Variants in USP47 observed in about 807,000 individuals in gnomAD.
The protein encoded by USP47 is ubiquitin specific peptidase 47.
A neutral mutation model predicts 165.1 loss-of-function variants in USP47; 35 were observed. That is an observed-to-expected ratio of 0.21 (90% CI 0.16 to 0.28). The LOEUF is 0.28. Ranked by LOEUF, USP47 falls within the 10% of genes least tolerant of loss-of-function variation. USP47 has a pLI of 1.00. For missense variants in USP47, 1,277 were observed against 1,607.4 expected (o/e 0.79, Z 3.52); for synonymous variants, 531 against 544.5 (o/e 0.98, Z 0.35).
intron 1 of USP47, among the ~76,000 whole-genome samples, chr11:11,858,200 ATTC>A (rs1459254081): frequency 1.3e-5 from 2 of 151,772 alleles, no homozygotes; most frequent in East Asian, 1.9e-4. Context: ...ATTTTGTCCA[ATTC>A]TTTGTTCAAA....
At chr11:11,893,369 TATTAC>T (rs1453377066) in intron 4 of USP47, among the ~76,000 whole-genome samples, 1 of 152,220 alleles carries the variant, frequency 6.6e-6, no homozygotes, top group African/African-American at 2.4e-5. Context: ...TGATTTTAAA[TATTAC>T]ATTACAAATA....
At chr11:11,932,901 G>A in intron 14 of USP47, 103 bp from the exon 15 acceptor site, 2 of 797,884 alleles carry the variant, frequency 2.5e-6, no homozygotes, top group Non-Finnish European at 2.0e-6. Flanking sequence ...ATCTCCATGA[G>A]TGCTACAGTA....
At chr11:11,886,827 T>A (rs888422445) in intron 3 of USP47, among the ~76,000 whole-genome samples, 1 of 152,068 alleles carries the variant, frequency 6.6e-6, no homozygotes, top group Non-Finnish European at 1.5e-5. Flanking sequence ...TAAAAAATGT[T>A]AAGGGTAACC....
chr11:11,942,175 T>C (rs1012236223), intron 19 of USP47, among the ~76,000 whole-genome samples, 160 bp from the exon 20 acceptor site: 16 of 152,094 alleles, frequency 1.1e-4, no homozygotes, highest in African/African-American at 3.6e-4. Context: ...TAATGTTCAT[T>C]TTATTCAGTC....
chr11:11,927,780 A>T (rs1022584903), intron 11 of USP47, among the ~76,000 whole-genome samples: 7 of 152,096 alleles, frequency 4.6e-5, no homozygotes, highest in Non-Finnish European at 1.0e-4. Flanking sequence ...AAAAGAGAAG[A>T]AAATGTTAGG....
chr11:11,865,518 T>C (rs898766680), intron 1 of USP47, among the ~76,000 whole-genome samples: 3 of 152,156 alleles, frequency 2.0e-5, no homozygotes, highest in Admixed American at 2.0e-4. Context: ...CGTTTAGTAA[T>C]TGCTTGTTGA....
intron 1 of USP47, among the ~76,000 whole-genome samples, chr11:11,858,140 A>G (rs1299244907): frequency 6.6e-6 from 1 of 152,172 alleles, no homozygotes; most frequent in Non-Finnish European, 1.5e-5. Context: ...TTTCGTTTTC[A>G]GTACATCTCT....
Position 11,950,360 on chromosome 11 carries a change from G to C in USP47, c.3465-4G>C. ...TCGTTTTAAATGTCTTATCACATTT[G>C]TAGGTTTCGTCTAAGGAAAAAAACA... is the stretch of plus-strand genomic sequence containing the variant. On this transcript the variant is annotated splice_polypyrimidine_tract_variant and splice_region_variant and intron_variant, in intron 23 of 27. Transcript: ENST00000527733. The C allele has an allele frequency of 6.4e-7, 1 of 1,563,378 alleles. No individual in the cohort carries two copies. The highest frequency in any genetic ancestry group is 8.7e-7 in the Non-Finnish European group (1 of 1,150,222).
chr11:11,851,457 G>GTTTATT (rs150807584), intron 1 of USP47, among the ~76,000 whole-genome samples: 2,633 of 152,176 alleles, frequency 0.017, 58 homozygotes, highest in East Asian at 0.082. Context: ...GAGCCCCTTA[G>GTTTATT]TTTATTTTTT....
chr11:11,850,465 A>T (rs185631861), intron 1 of USP47, among the ~76,000 whole-genome samples: 2 of 111,122 alleles, frequency 1.8e-5, no homozygotes, highest in East Asian at 5.7e-4. Flanking sequence ...CTCTCTTAGG[A>T]AATATTGGTA....
intron 1 of USP47, among the ~76,000 whole-genome samples, chr11:11,870,362 G>A (rs999959354): frequency 2.0e-5 from 3 of 151,852 alleles, no homozygotes; most frequent in Non-Finnish European, 4.4e-5. Context: ...CAATATTTTA[G>A]TTTTTACCTC....
At chr11:11,913,549 A>T (rs1415598700) in intron 8 of USP47, among the ~76,000 whole-genome samples, 1 of 152,012 alleles carries the variant, frequency 6.6e-6, no homozygotes, top group Non-Finnish European at 1.5e-5. Flanking sequence ...ACATGTGGGA[A>T]CTAAAAATAA....
chr11:11,883,734 C>T (rs1368647589), intron 2 of USP47, among the ~76,000 whole-genome samples: 1 of 152,170 alleles, frequency 6.6e-6, no homozygotes, highest in Non-Finnish European at 1.5e-5. Flanking sequence ...CTCTCATCCA[C>T]CAGCTAGAGT....
chr11:11,848,918 G>A (rs892430909), intron 1 of USP47, among the ~76,000 whole-genome samples: 4 of 148,102 alleles, frequency 2.7e-5, no homozygotes, highest in African/African-American at 1.0e-4. Flanking sequence ...CGAAACTAGC[G>A]TTTTTATAGT....
intron 5 of USP47, among the ~76,000 whole-genome samples, chr11:11,902,181 A>G (rs1852273585): frequency 6.6e-6 from 1 of 152,184 alleles, no homozygotes. Context: ...TTAAATCAAG[A>G]TCCATATGAG....
intron 1 of USP47, among the ~76,000 whole-genome samples, chr11:11,850,883 G>A (rs189565104): frequency 2.0e-5 from 3 of 152,318 alleles, no homozygotes; most frequent in Admixed American, 1.3e-4. Flanking sequence ...GCACCGTCTC[G>A]CTGTGTCCTC....
intron 1 of USP47, among the ~76,000 whole-genome samples, chr11:11,866,623 G>A (rs1849697060): frequency 6.6e-6 from 1 of 152,148 alleles, no homozygotes; most frequent in Admixed American, 6.5e-5. Context: ...TCCTTCTGGG[G>A]TCACTTTCTT....
intron 2 of USP47, 41 bp from the exon 3 acceptor site, chr11:11,884,426 A>G: frequency 2.1e-6 from 3 of 1,407,568 alleles, no homozygotes; most frequent in Non-Finnish European, 2.9e-6. Flanking sequence ...TACTTATTTT[A>G]TGTTTCTCAT....
intron 1 of USP47, among the ~76,000 whole-genome samples, chr11:11,856,149 A>G (rs1045208989): frequency 6.6e-6 from 1 of 152,196 alleles, no homozygotes; most frequent in Non-Finnish European, 1.5e-5. Context: ...AAAAATTCCA[A>G]AGGCTTTGTG....
Sources: allele counts gnomAD v4.1 joint callset (sites outside exome capture counted in the v4.1 genomes callset), GRCh38; gene constraint gnomAD v4.1.1; transcripts MANE v1.5; gene names NCBI Gene and HGNC (gene_info 2026-07-23, HGNC 2026-07-21).